The following ZBBX variants were observed in gnomAD, a reference collection of about 807,000 sequenced individuals.
ZBBX encodes the protein zinc finger B-box domain-containing protein 1.
ZBBX carries 101 observed loss-of-function variants against 108.5 expected under a neutral mutation model. The ratio of observed to expected loss-of-function variants is 0.93; its 90% CI spans 0.79 to 1.10. The LOEUF (loss-of-function observed/expected upper bound fraction) is 1.10, where lower values mean the gene tolerates loss of function less well. Ranked by LOEUF, ZBBX falls within the 50% of genes least tolerant of loss-of-function variation. The probability of loss-of-function intolerance (pLI) is 0.00; values close to 1 mark genes in which losing one functional copy is unlikely to be tolerated. For missense variants in ZBBX, 1,009 were observed against 941.4 expected (o/e 1.07, Z -0.94); for synonymous variants, 356 against 323.4 (o/e 1.10, Z -1.08).
chr3:167,307,157 AC>A (rs11336712), intron 16 of ZBBX, among the ~76,000 whole-genome samples: 2,969 of 152,238 alleles, frequency 0.02, 108 homozygotes, highest in African/African-American at 0.069. Flanking sequence ...TATATAACAA[AC>A]CCAGAGCCAA....
the ZBBX span, among the ~76,000 whole-genome samples, chr3:167,219,682 C>T: frequency 1.3e-5 from 2 of 151,568 alleles, no homozygotes; most frequent in East Asian, 3.9e-4. Context: ...GTAAAAACAA[C>T]GTAATGATGC....
intron 1 of ZBBX, among the ~76,000 whole-genome samples, chr3:167,386,002 C>A (rs572324785): frequency 1.8e-4 from 27 of 152,190 alleles, no homozygotes; most frequent in African/African-American, 6.3e-4. Flanking sequence ...GTGACCCAAC[C>A]TACCCTTGTA....
intron 1 of ZBBX, among the ~76,000 whole-genome samples, chr3:167,402,334 C>T (rs1748451116): frequency 6.6e-6 from 1 of 152,126 alleles, no homozygotes; most frequent in African/African-American, 2.4e-5. Context: ...CTAGCCCTTC[C>T]TTGGAAAACT....
At chr3:167,362,898 C>A (rs915969906) in intron 6 of ZBBX, among the ~76,000 whole-genome samples, 7 of 151,910 alleles carry the variant, frequency 4.6e-5, no homozygotes, top group Non-Finnish European at 8.8e-5. Context: ...ACTTCAGCAA[C>A]CTGCTCGGTA....
At chr3:167,314,454 G>T (rs1485670501) in intron 15 of ZBBX, among the ~76,000 whole-genome samples, 1 of 152,004 alleles carries the variant, frequency 6.6e-6, no homozygotes. Context: ...AAAATCTGAT[G>T]AAATCAAGGC....
chr3:167,260,526 T>G (rs970899609), intron 20 of ZBBX, among the ~76,000 whole-genome samples: 1 of 152,228 alleles, frequency 6.6e-6, no homozygotes, highest in African/African-American at 2.4e-5. Context: ...TGTTCATATT[T>G]TCTTATTCTT....
At chr3:167,243,847 T>A (rs940455813) in intron 20 of ZBBX, among the ~76,000 whole-genome samples, 1 of 148,440 alleles carries the variant, frequency 6.7e-6, no homozygotes, top group Admixed American at 6.8e-5. Flanking sequence ...TTATTCCCAC[T>A]GAAAAATAGA....
In ZBBX at chr3:167,330,130, G is replaced by A. The variant is rs1404491981; in HGVS notation, c.688-2014C>T. Among the ~76,000 whole-genome samples, 4 of 152,088 alleles carry A rather than the reference G, an allele frequency of 2.6e-5. No individual in the cohort carries two copies. The East Asian group carries it at 5.8e-4, about 22-fold the overall frequency. Reference sequence around the variant, plus strand: ...AGTCTTTTCACATCCAATAAATGGAGTATTTTACAGCCACTACATAGAATG... The same window carrying A: ...AGTCTTTTCACATCCAATAAATGGAATATTTTACAGCCACTACATAGAATG... On this transcript the variant is annotated intron_variant, in intron 10 of 21. Coordinates refer to ENST00000675490, the MANE Select transcript of ZBBX (RefSeq NM_001199201.2).
chr3:167,186,385 T>TAGGA, the ZBBX span, among the ~76,000 whole-genome samples: 66 of 151,002 alleles, frequency 4.4e-4, no homozygotes, highest in East Asian at 9.7e-4. Context: ...CAAATATTTG[T>TAGGA]AGGAAGGAAG....
chr3:167,345,743 G>A (rs951247627), intron 9 of ZBBX, among the ~76,000 whole-genome samples: 1 of 151,768 alleles, frequency 6.6e-6, no homozygotes, highest in Middle Eastern at 3.2e-3. Context: ...CCAAGAAAGA[G>A]CCCATATAAC....
chr3:167,380,668 C>T (rs777794963), upstream of ZBBX, among the ~76,000 whole-genome samples: 9 of 151,998 alleles, frequency 5.9e-5, no homozygotes, highest in Non-Finnish European at 1.3e-4. Context: ...AATGGCAGAC[C>T]TACAAATTAA....
At chr3:167,279,059 G>A (rs1284866603) in intron 20 of ZBBX, among the ~76,000 whole-genome samples, 1 of 151,306 alleles carries the variant, frequency 6.6e-6, no homozygotes, top group African/African-American at 2.4e-5. Flanking sequence ...AACCCTTCAT[G>A]CTAAAAACTC....
the ZBBX span, among the ~76,000 whole-genome samples, chr3:167,190,037 A>G: frequency 6.6e-6 from 1 of 152,236 alleles, no homozygotes; most frequent in Non-Finnish European, 1.5e-5. Context: ...CATGTATTTT[A>G]GTTAGAAATA....
At chr3:167,350,872 T>C (rs1185401372) in intron 8 of ZBBX, among the ~76,000 whole-genome samples, 2 of 152,142 alleles carry the variant, frequency 1.3e-5, no homozygotes, top group East Asian at 3.9e-4. Flanking sequence ...CTTCTTGACC[T>C]GGTAAAAACT....
At chr3:167,239,606 T>G (rs1008744487), downstream of ZBBX, among the ~76,000 whole-genome samples, 1 of 152,104 alleles carries the variant, frequency 6.6e-6, no homozygotes, top group Non-Finnish European at 1.5e-5. Flanking sequence ...CAGTATATAA[T>G]ACATATAACA....
intron 1 of ZBBX, among the ~76,000 whole-genome samples, chr3:167,397,011 G>T (rs17472559): frequency 0.28 from 41,533 of 150,932 alleles, 5,939 homozygotes; most frequent in Non-Finnish European, 0.3. Flanking sequence ...GACATGGAAA[G>T]GATGGCATTG....
chr3:167,237,680 A>G (rs1686878937), downstream of ZBBX, among the ~76,000 whole-genome samples: 2 of 151,996 alleles, frequency 1.3e-5, no homozygotes, highest in Admixed American at 1.3e-4. Flanking sequence ...TGGTTATTGG[A>G]AGCAAATAAA....
At chr3:167,192,655 CACTCCTTTTCATTCTTTTTTCCCTG>C in the ZBBX span, among the ~76,000 whole-genome samples, 1 of 152,050 alleles carries the variant, frequency 6.6e-6, no homozygotes, top group African/African-American at 2.4e-5. Context: ...AGGTAATATT[CACTCCTTTTCATTCTTTTTTCCCTG>C]ACTATGCATT....
chr3:167,313,709 T>C (rs1734976330), intron 16 of ZBBX, among the ~76,000 whole-genome samples: 1 of 152,192 alleles, frequency 6.6e-6, no homozygotes, highest in African/African-American at 2.4e-5. Context: ...TGAAAGGCCT[T>C]CCATGTAATC....
Sources: gnomAD v4.1 joint callset for allele counts (sites outside exome capture counted in the v4.1 genomes callset) on GRCh38, gnomAD v4.1.1 for gene constraint, MANE v1.5 for transcripts, NCBI Gene and HGNC (gene_info 2026-07-23, HGNC 2026-07-21) for gene names.